ZNF804A: variants seen among roughly 807,000 people sequenced by gnomAD.
The protein encoded by ZNF804A is zinc finger protein 804A.
In ZNF804A, 2 loss-of-function variants were observed where a neutral mutation model predicts 16.5. The observed-to-expected ratio is 0.12, with a 90% CI of 0.05 to 0.38. ZNF804A has a LOEUF of 0.38. Ranked by LOEUF, ZNF804A falls within the 10% of genes least tolerant of loss-of-function variation. The probability of loss-of-function intolerance (pLI) is 0.99; values close to 1 mark genes in which losing one functional copy is unlikely to be tolerated. For missense variants in ZNF804A, 1,473 were observed against 1,390.7 expected (o/e 1.06, Z -0.94); for synonymous variants, 534 against 489.6 (o/e 1.09, Z -1.20).
intron 2 of ZNF804A, among the ~76,000 whole-genome samples, chr2:184,913,322 TTTTA>T (rs1425536237): frequency 6.6e-6 from 1 of 152,152 alleles, no homozygotes; most frequent in Non-Finnish European, 1.5e-5. Context: ...TTATACTGAC[TTTTA>T]TTTATTTACC....
At chr2:184,676,298 T>A (rs1559123634) in intron 1 of ZNF804A, among the ~76,000 whole-genome samples, 3 of 151,446 alleles carry the variant, frequency 2.0e-5, no homozygotes, top group African/African-American at 4.8e-5. Flanking sequence ...TGCTTCACTT[T>A]TTTTTTTCCA....
intron 1 of ZNF804A, among the ~76,000 whole-genome samples, chr2:184,703,706 A>AG (rs1432425815): frequency 6.7e-6 from 1 of 150,136 alleles, no homozygotes; most frequent in East Asian, 1.9e-4. Flanking sequence ...AAAAAAAAAA[A>AG]AAAAAAGAAA....
chr2:184,656,447 A>G (rs1301817397), intron 1 of ZNF804A, among the ~76,000 whole-genome samples: 1 of 152,182 alleles, frequency 6.6e-6, no homozygotes, highest in East Asian at 1.9e-4. Flanking sequence ...TCTGTGTGGC[A>G]TGTTTACTTC....
At chr2:184,925,602 T>C (rs1685597474) in intron 2 of ZNF804A, among the ~76,000 whole-genome samples, 1 of 152,028 alleles carries the variant, frequency 6.6e-6, no homozygotes, top group Non-Finnish European at 1.5e-5. Context: ...CTGGTTTTGT[T>C]GTAGTCTTCT....
At chr2:184,747,379 C>T (rs1207753187) in intron 1 of ZNF804A, among the ~76,000 whole-genome samples, 2 of 126,632 alleles carry the variant, frequency 1.6e-5, no homozygotes, top group African/African-American at 2.9e-5. Context: ...TGTAAATGTA[C>T]AGATGTTCTC....
At chr2:184,620,604 G>A (rs1691402347) in intron 1 of ZNF804A, among the ~76,000 whole-genome samples, 2 of 151,648 alleles carry the variant, frequency 1.3e-5, no homozygotes, top group Admixed American at 1.3e-4. Flanking sequence ...TTAGTCATCA[G>A]GGTATGGAAT....
intron 1 of ZNF804A, among the ~76,000 whole-genome samples, chr2:184,798,864 T>C (rs72903763): frequency 0.05 from 7,653 of 152,252 alleles, 254 homozygotes; most frequent in Middle Eastern, 0.078. Context: ...GAGTAGGCTA[T>C]GTCAGAGGGA....
chr2:184,826,442 A>G (rs1695170135), intron 1 of ZNF804A, among the ~76,000 whole-genome samples: 1 of 152,140 alleles, frequency 6.6e-6, no homozygotes, highest in Admixed American at 6.6e-5. Flanking sequence ...AATTATTTTC[A>G]GATTAAATTT....
chr2:184,868,796 A>C (rs1018329300), intron 2 of ZNF804A, among the ~76,000 whole-genome samples: 1 of 152,000 alleles, frequency 6.6e-6, no homozygotes, highest in Non-Finnish European at 1.5e-5. Context: ...CTGCTAATAA[A>C]CATACTTAAG....
chr2:184,753,975 A>C (rs1693915408), intron 1 of ZNF804A, among the ~76,000 whole-genome samples: 1 of 151,888 alleles, frequency 6.6e-6, no homozygotes. Context: ...TGCATGGAGA[A>C]AACACATTTT....
At chr2:184,908,176 T>C (rs1241251739) in intron 2 of ZNF804A, among the ~76,000 whole-genome samples, 1 of 152,146 alleles carries the variant, frequency 6.6e-6, no homozygotes, top group African/African-American at 2.4e-5. Flanking sequence ...TATGTTTTTT[T>C]CTAGAGGTGC....
intron 1 of ZNF804A, among the ~76,000 whole-genome samples, chr2:184,865,183 T>C (rs2105810684): frequency 6.6e-6 from 1 of 152,038 alleles, no homozygotes; most frequent in African/African-American, 2.4e-5. Flanking sequence ...CCAGGCCTAG[T>C]TATTCTGAAT....
intron 1 of ZNF804A, among the ~76,000 whole-genome samples, chr2:184,685,903 G>T (rs1559126172): frequency 6.6e-6 from 1 of 152,200 alleles, no homozygotes; most frequent in South Asian, 2.1e-4. Context: ...ATGCCAAGGG[G>T]TGCCTGCAGG....
intron 1 of ZNF804A, among the ~76,000 whole-genome samples, chr2:184,725,883 G>A (rs148273962): frequency 2.2e-4 from 34 of 151,682 alleles, no homozygotes; most frequent in African/African-American, 8.2e-4. Context: ...AAATCATATA[G>A]TTTCTGAATC....
chr2:184,706,118 T>A (rs972558629), intron 1 of ZNF804A, among the ~76,000 whole-genome samples: 1 of 152,166 alleles, frequency 6.6e-6, no homozygotes, highest in African/African-American at 2.4e-5. Flanking sequence ...TTTATCACTA[T>A]TTTTTCAGTC....
At chr2:184,855,601 CAT>C (rs3992047) in intron 1 of ZNF804A, among the ~76,000 whole-genome samples, 2,105 of 147,238 alleles carry the variant, frequency 0.014, 16 homozygotes, top group South Asian at 0.035. Context: ...TACACATACA[CAT>C]ATATATATAT....
chr2:184,710,649 T>C (rs1380542167), intron 1 of ZNF804A, among the ~76,000 whole-genome samples: 2 of 151,712 alleles, frequency 1.3e-5, no homozygotes, highest in Non-Finnish European at 3.0e-5. Context: ...TTTATACCCT[T>C]TGAAAAAGAA....
At chr2:184,603,326 A>T (rs904335987) in intron 1 of ZNF804A, among the ~76,000 whole-genome samples, 1 of 152,102 alleles carries the variant, frequency 6.6e-6, no homozygotes, top group Non-Finnish European at 1.5e-5. Context: ...ATCTTTTGAC[A>T]TGTTTGTAGG....
chr2:184,629,864 C>T (rs1379226864), intron 1 of ZNF804A, among the ~76,000 whole-genome samples: 1 of 152,088 alleles, frequency 6.6e-6, no homozygotes, highest in Non-Finnish European at 1.5e-5. Flanking sequence ...TGTGATATCT[C>T]TGGCATTAGG....
Sources: gnomAD v4.1 joint callset for allele counts (sites outside exome capture counted in the v4.1 genomes callset) on GRCh38, gnomAD v4.1.1 for gene constraint, MANE v1.5 for transcripts, NCBI Gene and HGNC (gene_info 2026-07-23, HGNC 2026-07-21) for gene names.